ROBO2: variants seen among roughly 807,000 people sequenced by gnomAD.
ROBO2 encodes roundabout homolog 2.
Under a neutral mutation model 160.8 loss-of-function variants are expected in ROBO2, and 53 were observed. The observed-to-expected ratio is 0.33, with a 90% CI of 0.26 to 0.41. The LOEUF is 0.41. ROBO2 is among the 10% of genes least tolerant of loss of function. ROBO2 has a pLI of 1.00. For missense variants in ROBO2, 1,577 were observed against 1,722.4 expected (o/e 0.92, Z 1.49); for synonymous variants, 664 against 611.7 (o/e 1.09, Z -1.26).
chr3:77,363,675 A>T (rs1036914903), intron 2 of ROBO2, among the ~76,000 whole-genome samples: 3 of 152,200 alleles, frequency 2.0e-5, no homozygotes, highest in African/African-American at 7.2e-5. Context: ...GGCTGTCCAG[A>T]CACTTCTTGG....
chr3:76,636,296 A>C (rs2090328768), intron 2 of ROBO2, among the ~76,000 whole-genome samples: 2 of 152,164 alleles, frequency 1.3e-5, no homozygotes, highest in South Asian at 2.1e-4. Flanking sequence ...AAGTGATAAG[A>C]ATCTGTTGTT....
chr3:76,449,243 A>G (rs1169337229), intron 2 of ROBO2, among the ~76,000 whole-genome samples: 3 of 152,180 alleles, frequency 2.0e-5, no homozygotes, highest in Non-Finnish European at 2.9e-5. Context: ...TTTATAAATT[A>G]TATCCAAAAA....
intron 2 of ROBO2, among the ~76,000 whole-genome samples, chr3:77,003,211 C>A (rs1369104562): frequency 6.6e-6 from 1 of 152,126 alleles, no homozygotes; most frequent in Non-Finnish European, 1.5e-5. Context: ...CAGCACATTA[C>A]TTTACAGTTC....
chr3:76,100,025 T>C (rs975430940), intron 2 of ROBO2, among the ~76,000 whole-genome samples: 11 of 152,210 alleles, frequency 7.2e-5, no homozygotes, highest in African/African-American at 2.7e-4. Context: ...CAAACAGCAT[T>C]GGGCTCATAG....
At chr3:77,262,881 A>G (rs1420044989) in intron 2 of ROBO2, among the ~76,000 whole-genome samples, 1 of 152,152 alleles carries the variant, frequency 6.6e-6, no homozygotes, top group East Asian at 1.9e-4. Context: ...AGTATGATGA[A>G]TGTGATGATG....
chr3:76,698,588 C>G (rs2092982340), intron 2 of ROBO2, among the ~76,000 whole-genome samples: 1 of 152,092 alleles, frequency 6.6e-6, no homozygotes, highest in Admixed American at 6.6e-5. Flanking sequence ...AATTTTTCCT[C>G]AAAACAAAGT....
intron 2 of ROBO2, among the ~76,000 whole-genome samples, chr3:76,909,037 G>T (rs533419594): frequency 1.2e-3 from 181 of 152,248 alleles, no homozygotes; most frequent in African/African-American, 3.3e-3. Context: ...AGACCAGCCT[G>T]GGTAATCATC....
chr3:76,232,026 G>A (rs1196101082), intron 2 of ROBO2, among the ~76,000 whole-genome samples: 1 of 152,082 alleles, frequency 6.6e-6, no homozygotes, highest in Non-Finnish European at 1.5e-5. Context: ...AAAATAGACT[G>A]CTAACATCAT....
At chr3:77,178,407 G>C (rs1206417043) in intron 2 of ROBO2, among the ~76,000 whole-genome samples, 1 of 151,958 alleles carries the variant, frequency 6.6e-6, no homozygotes, top group African/African-American at 2.4e-5. Context: ...AAGGGAAAAA[G>C]TACTCTTTCA....
At chr3:76,613,106 A>G (rs772295128) in intron 2 of ROBO2, among the ~76,000 whole-genome samples, 52 of 152,158 alleles carry the variant, frequency 3.4e-4, no homozygotes, top group Non-Finnish European at 4.4e-4. Flanking sequence ...TAGATATTCA[A>G]TGTCATTATT....
intron 2 of ROBO2, among the ~76,000 whole-genome samples, chr3:77,349,972 T>C (rs2068121747): frequency 1.3e-5 from 2 of 152,132 alleles, no homozygotes; most frequent in South Asian, 4.1e-4. Flanking sequence ...TAGTTGACCT[T>C]CTGATTGCAG....
At position 77,447,343 on chromosome 3, in the gene ROBO2, G is replaced by A. The variant is rs143836558; in HGVS notation, c.389-30071G>A. ...CAAGTGTTGGAATATTCAATACTTT[G>A]GCCTTTTTTGCTGTTTATTAATATT... is the stretch of plus-strand genomic sequence containing the variant. On this transcript the variant is annotated intron_variant, in intron 2 of 25. Coordinates refer to ENST00000461745, the Ensembl canonical transcript of ROBO2. Among the ~76,000 whole-genome samples the A allele has an allele frequency of 2.6e-5, 4 of 152,006 alleles. No homozygotes were observed. The East Asian group carries it at 7.7e-4, about 29-fold the overall frequency.
intron 2 of ROBO2, among the ~76,000 whole-genome samples, chr3:77,409,883 A>G (rs1234541802): frequency 1.1e-4 from 16 of 152,176 alleles, no homozygotes; most frequent in Non-Finnish European, 1.6e-4. Flanking sequence ...CCTAATTTTG[A>G]TTACATAGCT....
In ROBO2 at chr3:76,056,834, G is replaced by A. The variant is rs138022651; in HGVS notation, c.109+119232G>A. Reference sequence around the variant, plus strand: ...TGCTAAAGTCTACCCTATAATAGAGGAAAGTGTAATGTCAGATGTAGTAAA... The same window carrying A: ...TGCTAAAGTCTACCCTATAATAGAGAAAAGTGTAATGTCAGATGTAGTAAA... On this transcript the variant is annotated intron_variant, in intron 2 of 26. Transcript: ENST00000487694. Among the ~76,000 whole-genome samples, 169 of 152,246 alleles carry A rather than the reference G, an allele frequency of 1.1e-3. 1 individual carries two copies. The highest frequency in any genetic ancestry group is 3.8e-3 in the African/African-American group (158 of 41,530).
At chr3:76,865,910 A>G (rs1381973411) in intron 2 of ROBO2, among the ~76,000 whole-genome samples, 1 of 152,122 alleles carries the variant, frequency 6.6e-6, no homozygotes, top group Non-Finnish European at 1.5e-5. Flanking sequence ...GTATTTTAGT[A>G]GGTACTTCAG....
At chr3:76,108,020 G>A (rs9841567) in intron 2 of ROBO2, among the ~76,000 whole-genome samples, 55,308 of 151,814 alleles carry the variant, frequency 0.36, 10,811 homozygotes, top group South Asian at 0.56. Flanking sequence ...ATGCATTTTA[G>A]GATGTGGTAC....
chr3:77,486,699 T>C (rs528396415), intron 4 of ROBO2, among the ~76,000 whole-genome samples: 1 of 152,310 alleles, frequency 6.6e-6, no homozygotes, highest in South Asian at 2.1e-4. Flanking sequence ...AAATATTTTC[T>C]CCCGTTGTGT....
intron 2 of ROBO2, among the ~76,000 whole-genome samples, chr3:77,345,465 C>G (rs533770732): frequency 6.6e-6 from 1 of 152,230 alleles, no homozygotes; most frequent in East Asian, 1.9e-4. Context: ...ATATTGAAGG[C>G]TAGCTGCCAC....
At chr3:77,503,195 C>A (rs1447283381) in intron 5 of ROBO2, among the ~76,000 whole-genome samples, 1 of 151,556 alleles carries the variant, frequency 6.6e-6, no homozygotes, top group Non-Finnish European at 1.5e-5. Context: ...CTACTATGTA[C>A]CCACAAAAAA....
Sources: gnomAD v4.1 joint callset for allele counts (sites outside exome capture counted in the v4.1 genomes callset) on GRCh38, gnomAD v4.1.1 for gene constraint, MANE v1.5 for transcripts, NCBI Gene and HGNC (gene_info 2026-07-23, HGNC 2026-07-21) for gene names.